MTAP: variants seen among roughly 807,000 people sequenced by gnomAD.
MTAP encodes methylthioadenosine phosphorylase.
MTAP carries 33 observed loss-of-function variants against 33.6 expected under a neutral mutation model. The observed-to-expected ratio is 0.98, with a 90% CI of 0.74 to 1.31. MTAP has a LOEUF of 1.31. Among genes scored for constraint, MTAP ranks in the 40% most tolerant of loss-of-function variants. The pLI, the probability that MTAP is intolerant of heterozygous loss-of-function variation, is 0.00. For missense variants in MTAP, 367 were observed against 360.0 expected, an observed-to-expected ratio of 1.02 and a Z score of -0.16; for synonymous variants, 148 against 125.7, an observed-to-expected ratio of 1.18 and a Z score of -1.19.
At chr9:21,894,143 CA>C (rs1443853493) in intron 1 of MTAP, among the ~76,000 whole-genome samples, 1 of 144,920 alleles carries the variant, frequency 6.9e-6, no homozygotes, top group Non-Finnish European at 1.5e-5. Context: ...AAGCAAAAAA[CA>C]AATACCACAT....
chr9:21,913,824 C>T lies in MTAP; in HGVS notation c.148-17184C>T, dbSNP rs144869538. Reference sequence around the variant, plus strand: ...GCTTCTGCACAGCGAAAGAAACTACCAACCTACAGTGAACAGGCAACCTAC... The same window carrying T: ...GCTTCTGCACAGCGAAAGAAACTACTAACCTACAGTGAACAGGCAACCTAC... On this transcript the variant is annotated intron_variant, in intron 1 of 1. Transcript: ENST00000577563. 9.0e-3 allele frequency among the ~76,000 whole-genome samples: 1,369 copies of T among 152,212 alleles called. 12 individuals are homozygous for T. Among genetic ancestry groups the T allele is most frequent in the Non-Finnish European group, 0.013 (906 of 68,026 alleles).
At chr9:21,839,544 C>T (rs1428924414) in intron 5 of MTAP, among the ~76,000 whole-genome samples, 1 of 152,134 alleles carries the variant, frequency 6.6e-6, no homozygotes, top group Non-Finnish European at 1.5e-5. Flanking sequence ...TTCCAGTAAT[C>T]CAAGTTAGCC....
intron 1 of MTAP, among the ~76,000 whole-genome samples, chr9:21,884,137 G>T (rs1818067678): frequency 6.6e-6 from 1 of 152,116 alleles, no homozygotes; most frequent in Admixed American, 6.5e-5. Context: ...GTACTTGAGA[G>T]AATTCTATTA....
rs926310068 is a variant in MTAP at position 21,864,487 on chromosome 9, G to T, written c.*2473G>T. 3.3e-5 allele frequency: 33 copies of T among 985,288 alleles called. No individual in the cohort carries two copies. The highest frequency in any genetic ancestry group is 1.4e-4 in the South Asian group (3 of 21,296). The allele number at this position is 985,288 out of a possible 1,614,324, so 61.0% of individuals were successfully genotyped here. ...GTGACTTAGCCCTTAGTGATTAATA[G>T]ATTTGCATGTACATAGAAGTCTTTG... is the stretch of plus-strand genomic sequence containing the variant. On this transcript the variant is annotated 3_prime_UTR_variant, in exon 8 of 8. Transcript: ENST00000644715.
chr9:21,820,840 C>T (rs914584443), intron 4 of MTAP, among the ~76,000 whole-genome samples: 7 of 152,186 alleles, frequency 4.6e-5, no homozygotes, highest in African/African-American at 1.4e-4. Flanking sequence ...AGGTCCTTCA[C>T]AACCCTTGTA....
intron 1 of MTAP, among the ~76,000 whole-genome samples, chr9:21,808,259 A>T (rs75939284): frequency 1.3e-5 from 2 of 152,244 alleles, no homozygotes; most frequent in African/African-American, 4.8e-5. Flanking sequence ...TGTTGCTGCT[A>T]TAACAATTTT....
intron 1 of MTAP, among the ~76,000 whole-genome samples, chr9:21,910,034 G>A (rs1363685243): frequency 6.6e-6 from 1 of 152,046 alleles, no homozygotes. Context: ...CATCTGGCCC[G>A]GGTCAGAAAA....
At chr9:21,913,298 C>G (rs1435594495) in intron 1 of MTAP, among the ~76,000 whole-genome samples, 1 of 152,028 alleles carries the variant, frequency 6.6e-6, no homozygotes, top group Non-Finnish European at 1.5e-5. Context: ...CATATGGAAC[C>G]AAAAAAGAGC....
chr9:21,852,452 G>T, intron 5 of MTAP, among the ~76,000 whole-genome samples: 1 of 150,738 alleles, frequency 6.6e-6, no homozygotes, highest in African/African-American at 2.4e-5. Context: ...AGAGGTTGCA[G>T]TGAGCCAAGA....
At chr9:21,822,231 A>G (rs1824661014) in intron 4 of MTAP, among the ~76,000 whole-genome samples, 1 of 152,000 alleles carries the variant, frequency 6.6e-6, no homozygotes, top group Non-Finnish European at 1.5e-5. Flanking sequence ...TAGGGTGTCA[A>G]TTTTAGATCT....
chr9:21,873,810 T>C lies in MTAP; in HGVS notation c.147+18940T>C, dbSNP rs1448388694. Among the ~76,000 whole-genome samples, 5 of 152,208 alleles carry C rather than the reference T, an allele frequency of 3.3e-5. No individual in the cohort carries two copies. The East Asian group carries it at 9.7e-4, about 29-fold the overall frequency. On this transcript the variant is annotated intron_variant, in intron 1 of 1. Transcript: ENST00000577563. ...AAATGGTTCCTAAGGAAGTTATTTTTGAAAAAGTATAAATATCAACATGAA... is the reference window on the plus strand; with the variant it reads ...AAATGGTTCCTAAGGAAGTTATTTTCGAAAAAGTATAAATATCAACATGAA...
At position 21,928,737 on chromosome 9, in the gene MTAP, A is replaced by G. The variant is rs376872123; in HGVS notation, c.148-2271A>G. On this transcript the variant is annotated intron_variant, in intron 1 of 1. Transcript: ENST00000577563. ...TTACCAAACCCTGAAATGCATCCTC[A>G]ATAATCTCTGTCAGGAAATAGCAGT... Among the ~76,000 whole-genome samples, 23 of 152,216 alleles carry G rather than the reference A, an allele frequency of 1.5e-4. 1 individual carries two copies. The highest frequency in any genetic ancestry group is 5.5e-4 in the African/African-American group (23 of 41,538).
intron 4 of MTAP, among the ~76,000 whole-genome samples, chr9:21,827,836 T>C (rs540677273): frequency 9.8e-5 from 15 of 152,292 alleles, no homozygotes; most frequent in African/African-American, 3.1e-4. Context: ...TGTTTGGAGG[T>C]AATAGTTTAA....
chr9:21,818,343 T>TG (rs1824538907), intron 4 of MTAP, 141 bp downstream of exon 4: 5 of 652,316 alleles, frequency 7.7e-6, no homozygotes, highest in East Asian at 6.9e-5. Context: ...TTTTTTTTTT[T>TG]TGGAGACGGA....
chr9:21,805,497 G>T (rs1214469251), intron 1 of MTAP, among the ~76,000 whole-genome samples: 1 of 152,208 alleles, frequency 6.6e-6, no homozygotes, highest in Non-Finnish European at 1.5e-5. Context: ...TGGGTGAGGG[G>T]TGTCAGAAAA....
At chr9:21,885,961 G>T (rs1818103080) in intron 1 of MTAP, among the ~76,000 whole-genome samples, 1 of 151,892 alleles carries the variant, frequency 6.6e-6, no homozygotes, top group Non-Finnish European at 1.5e-5. Context: ...TTTCCTCTGG[G>T]TAGACATAGA....
At chr9:21,898,314 A>G (rs572972715) in intron 1 of MTAP, among the ~76,000 whole-genome samples, 1 of 152,344 alleles carries the variant, frequency 6.6e-6, no homozygotes, top group South Asian at 2.1e-4. Context: ...TTCAGGACAC[A>G]GGCATGGGCA....
intron 1 of MTAP, among the ~76,000 whole-genome samples, chr9:21,903,218 C>T (rs1362017795): frequency 6.6e-6 from 1 of 152,174 alleles, no homozygotes; most frequent in Non-Finnish European, 1.5e-5. Flanking sequence ...ATTTAGACTC[C>T]AGCTGCCAGT....
exon 8 of MTAP, chr9:21,936,427 G>A (rs1207112661): frequency 6.6e-6 from 1 of 152,154 alleles, no homozygotes; most frequent in African/African-American, 2.4e-5. Flanking sequence ...TTTCTCAATA[G>A]CTTCTCATTG....
Sources: gnomAD v4.1 joint callset for allele counts (sites outside exome capture counted in the v4.1 genomes callset) on GRCh38, gnomAD v4.1.1 for gene constraint, MANE v1.5 for transcripts, NCBI Gene and HGNC (gene_info 2026-07-23, HGNC 2026-07-21) for gene names.